ATL1: variants seen among roughly 807,000 people sequenced by gnomAD.
The protein encoded by ATL1 is atlastin GTPase 1.
In ATL1, 31 loss-of-function variants were observed where a neutral mutation model predicts 75.5. That is an observed-to-expected ratio of 0.41 (90% CI 0.31 to 0.55). ATL1 has a LOEUF of 0.55. ATL1 is among the 20% of genes least tolerant of loss of function. The pLI is 0.27. For missense variants in ATL1, 405 were observed against 662.6 expected (o/e 0.61, Z 4.27); for synonymous variants, 226 against 233.3 (o/e 0.97, Z 0.28).
Position 50,632,230 on chromosome 14 carries a change from C to T in ATL1, c.1568C>T (p.Ala523Val). Reference sequence around the variant, plus strand: ...ATAATTTTGATGCTTTTATTCTAGGCTTTGTACAAGCTTTACAGTGCAGCA... The same window carrying T: ...ATAATTTTGATGCTTTTATTCTAGGTTTTGTACAAGCTTTACAGTGCAGCA... ...ALWDQGSTNEALYKLYSAAAT... is the reference protein window; with the variant it reads ...ALWDQGSTNEVLYKLYSAAAT... Residue 523 changes from alanine to valine, a missense_variant and splice_region_variant, in exon 14 of 14, where the codon GCT becomes GTT. Coordinates refer to ENST00000358385, the MANE Select transcript of ATL1 (RefSeq NM_015915.5). 1 of 1,608,628 alleles carries T rather than the reference C, an allele frequency of 6.2e-7. No individual in the cohort carries two copies. Among genetic ancestry groups the T allele is most frequent in the Non-Finnish European group, 8.5e-7 (1 of 1,176,116 alleles).
chr14:50,625,169 G>C (rs1019913085), intron 11 of ATL1, among the ~76,000 whole-genome samples: 8 of 152,292 alleles, frequency 5.3e-5, no homozygotes, highest in Admixed American at 3.3e-4. Context: ...CTTTAGTTTG[G>C]ATAGAAAATC....
At chr14:50,583,443 C>T (rs1555363520) in intron 1 of ATL1, among the ~76,000 whole-genome samples, 1 of 152,122 alleles carries the variant, frequency 6.6e-6, no homozygotes, top group Non-Finnish European at 1.5e-5. Context: ...GAAAGTATAA[C>T]TAAAACAACA....
chr14:50,601,908 G>T (rs916789810), intron 6 of ATL1, among the ~76,000 whole-genome samples: 1 of 152,100 alleles, frequency 6.6e-6, no homozygotes, highest in African/African-American at 2.4e-5. Context: ...ATAACACCCA[G>T]TTTGCTCTAA....
chr14:50,595,546 G>GT, intron 5 of ATL1, 30 bp from the exon 6 acceptor site: 1 of 1,602,156 alleles, frequency 6.2e-7, no homozygotes, highest in Non-Finnish European at 8.5e-7. Flanking sequence ...CTCTCTCTGT[G>GT]TATGTGTGTG....
intron 8 of ATL1, among the ~76,000 whole-genome samples, chr14:50,617,997 A>T (rs1466186250): frequency 6.6e-6 from 1 of 152,234 alleles, no homozygotes; most frequent in African/African-American, 2.4e-5. Flanking sequence ...ATCCAAATGT[A>T]TGGTTAGATG....
At position 50,593,546 on chromosome 14, in the gene ATL1, T is replaced by G. The variant is rs189109415; in HGVS notation, c.523-300T>G. Among the ~76,000 whole-genome samples the G allele has an allele frequency of 1.6e-3, 237 of 152,356 alleles. 2 individuals are homozygous for G. Among genetic ancestry groups the G allele is most frequent in the Admixed American group, 2.3e-3 (35 of 15,306 alleles). ...TTAGATTGTTATTATTTTGTCTTGC[T>G]TGGAAGAATGAGTTTTTTTGACTAA... On this transcript the variant is annotated intron_variant, in intron 4 of 13. Transcript: ENST00000358385.
intron 1 of ATL1, among the ~76,000 whole-genome samples, chr14:50,537,815 C>T (rs993245646): frequency 6.6e-6 from 1 of 152,172 alleles, no homozygotes; most frequent in African/African-American, 2.4e-5. Context: ...CTGTAGTTAC[C>T]CAATGCCTGT....
chr14:50,538,709 T>C (rs536672442), intron 1 of ATL1, among the ~76,000 whole-genome samples: 2 of 152,234 alleles, frequency 1.3e-5, no homozygotes, highest in Non-Finnish European at 2.9e-5. Context: ...GTTCTCCTTT[T>C]CTTTGTCTCT....
At chr14:50,591,829 C>T in intron 4 of ATL1, 190 bp downstream of exon 4, 1 of 551,344 alleles carries the variant, frequency 1.8e-6, no homozygotes, top group South Asian at 2.3e-5. Flanking sequence ...AGTTTAATTA[C>T]TGACAAACTT....
At chr14:50,564,386 A>C (rs1037181654) in intron 1 of ATL1, among the ~76,000 whole-genome samples, 6 of 152,148 alleles carry the variant, frequency 3.9e-5, no homozygotes, top group Admixed American at 2.6e-4. Context: ...GTGGTGGCTC[A>C]TGCTTGTAAT....
At chr14:50,567,700 G>T (rs1258173988) in intron 1 of ATL1, among the ~76,000 whole-genome samples, 1 of 152,152 alleles carries the variant, frequency 6.6e-6, no homozygotes, top group Admixed American at 6.5e-5. Flanking sequence ...GTTTTGATTA[G>T]CAATTAATAT....
At chr14:50,631,963 C>CACTG (rs1423572258) in intron 13 of ATL1, 2 of 266,692 alleles carry the variant, frequency 7.5e-6, no homozygotes, top group Non-Finnish European at 7.2e-6. Flanking sequence ...AGTAGAAGCT[C>CACTG]ACTGCTCCAA....
At chr14:50,544,932 C>G (rs1276088166) in intron 1 of ATL1, among the ~76,000 whole-genome samples, 12 of 102,698 alleles carry the variant, frequency 1.2e-4, no homozygotes, top group Admixed American at 4.7e-4. Flanking sequence ...GTGAGACCCA[C>G]TCTCAAAAAA....
chr14:50,623,358 T>A, intron 11 of ATL1, 110 bp downstream of exon 11: 1 of 847,176 alleles, frequency 1.2e-6, no homozygotes, highest in East Asian at 2.7e-5. Context: ...ATGAGGTGGC[T>A]TTGACTTTTT....
At chr14:50,589,031 C>T (rs2039128919) in intron 2 of ATL1, among the ~76,000 whole-genome samples, 1 of 151,926 alleles carries the variant, frequency 6.6e-6, no homozygotes, top group Non-Finnish European at 1.5e-5. Flanking sequence ...AGAAAACATA[C>T]CATAGATTTT....
At chr14:50,560,540 C>T in intron 1 of ATL1, 2 of 566,164 alleles carry the variant, frequency 3.5e-6, no homozygotes, top group Non-Finnish European at 3.2e-6. Context: ...CCTCCAGCTC[C>T]TTCTTCCCCA....
intron 1 of ATL1, among the ~76,000 whole-genome samples, chr14:50,573,941 G>T (rs1478706601): frequency 6.6e-6 from 1 of 152,118 alleles, no homozygotes; most frequent in Admixed American, 6.5e-5. Flanking sequence ...TATTTTATCT[G>T]ATATTAATGT....
chr14:50,545,494 T>A (rs1371823784), intron 1 of ATL1, among the ~76,000 whole-genome samples: 2 of 152,170 alleles, frequency 1.3e-5, no homozygotes, highest in Non-Finnish European at 2.9e-5. Flanking sequence ...TCAACCTTTG[T>A]GGGCTGCTGC....
chr14:50,612,569 C>G (rs1407200374), intron 6 of ATL1, among the ~76,000 whole-genome samples: 1 of 152,146 alleles, frequency 6.6e-6, no homozygotes, highest in African/African-American at 2.4e-5. Context: ...TCCTTTTAGT[C>G]AGTTAATTTC....
Sources: allele counts gnomAD v4.1 joint callset (sites outside exome capture counted in the v4.1 genomes callset), GRCh38; gene constraint gnomAD v4.1.1; transcripts MANE v1.5; gene names NCBI Gene and HGNC (gene_info 2026-07-23, HGNC 2026-07-21).